Variants in FOXP4 observed in about 807,000 individuals in gnomAD.
FOXP4 encodes the protein forkhead box protein P4.
A neutral mutation model predicts 82.6 loss-of-function variants in FOXP4; 25 were observed. The observed-to-expected ratio is 0.30, with a 90% CI of 0.22 to 0.42. The LOEUF is 0.42. Among genes scored for constraint, FOXP4 ranks in the 10% least tolerant of loss-of-function variants. The probability of loss-of-function intolerance (pLI) is 1.00; values close to 1 mark genes in which losing one functional copy is unlikely to be tolerated. For missense variants in FOXP4, 785 were observed against 900.9 expected (o/e 0.87, Z 1.65); for synonymous variants, 415 against 388.2 (o/e 1.07, Z -0.81).
intron 13 of FOXP4, among the ~76,000 whole-genome samples, chr6:41,592,096 AGGGAAGGTTAGACGCG>A (rs1276876476): frequency 1.3e-5 from 2 of 152,100 alleles, no homozygotes; most frequent in Non-Finnish European, 1.5e-5. Flanking sequence ...TCGCCCCTGC[AGGGAAGGTTAGACGCG>A]GGGAAGGACT....
chr6:41,593,459 G>A lies in FOXP4; in HGVS notation c.1537-1411G>A, dbSNP rs1766633131. 6.6e-6 allele frequency among the ~76,000 whole-genome samples: 1 copy of A among 152,156 alleles called. No homozygotes were observed. Among genetic ancestry groups the A allele is most frequent in the East Asian group, 1.9e-4 (1 of 5,192 alleles). The stretch of plus-strand genomic sequence containing the variant: ...GTGGGCCCGTCCTTTTGTTTACGAA[G>A]CCCCTGCCAGACCCCTTAAATTGCC... On this transcript the variant is annotated intron_variant, in intron 13 of 16. Coordinates refer to ENST00000307972, the MANE Select transcript of FOXP4 (RefSeq NM_001012426.2). This position sits in a 1 kb window ranked among gnomAD's most constrained non-coding sequence, Gnocchi z 4.1.
At chr6:41,598,216 C>CT (rs571791132) in intron 16 of FOXP4, among the ~76,000 whole-genome samples, 2,207 of 131,862 alleles carry the variant, frequency 0.017, 68 homozygotes, top group African/African-American at 0.045. Context: ...CCTCTCTTCT[C>CT]TTTTTTTTTT....
At chr6:41,555,247 T>C (rs990232792) in intron 1 of FOXP4, among the ~76,000 whole-genome samples, 3 of 151,444 alleles carry the variant, frequency 2.0e-5, no homozygotes, top group African/African-American at 7.3e-5. Context: ...TGAGACCCTG[T>C]CTCAAAAAAA....
chr6:41,597,811 C>A lies in FOXP4; in HGVS notation c.1756C>A (p.Leu586Ile), dbSNP rs773538948. The change falls in exon 16 of 17, where the codon CTC becomes ATC. Residue 586 changes from leucine (L) to isoleucine (I), a missense_variant. Transcript: ENST00000307972. The stretch of plus-strand genomic sequence containing the variant: ...CCTGGCCGAGAGCAGCTTCCCCCTC[C>A]TCAACAGCCCTGGCATGCTGAACCC... The part of the protein sequence containing the change: ...AALAESSFPL[L>I]NSPGMLNPGS... 13 of 1,607,388 alleles carry A rather than the reference C, an allele frequency of 8.1e-6. No homozygotes were observed.
chr6:41,565,565 G>A (rs944703800), intron 1 of FOXP4, among the ~76,000 whole-genome samples, 180 bp from the exon 2 acceptor site: 1 of 152,160 alleles, frequency 6.6e-6, no homozygotes, highest in African/African-American at 2.4e-5. Context: ...CCCCTCACCT[G>A]GGGGGACATC....
intron 1 of FOXP4, among the ~76,000 whole-genome samples, chr6:41,555,299 C>G (rs928482730): frequency 6.6e-6 from 1 of 152,014 alleles, no homozygotes; most frequent in Non-Finnish European, 1.5e-5. Context: ...TGCCTTCTTT[C>G]TACCACAGAG....
chr6:41,568,589 C>T (rs1310298456), intron 2 of FOXP4, among the ~76,000 whole-genome samples: 2 of 152,186 alleles, frequency 1.3e-5, no homozygotes, highest in African/African-American at 2.4e-5. Context: ...CAACGCTGCC[C>T]GCTGGCCCTA....
chr6:41,558,450 C>T lies in FOXP4; in HGVS notation c.-16-7295C>T, dbSNP rs910122053. 8.5e-5 allele frequency among the ~76,000 whole-genome samples: 13 copies of T among 152,214 alleles called. No homozygotes were observed. Among genetic ancestry groups the T allele is most frequent in the Non-Finnish European group, 1.5e-4 (10 of 68,048 alleles). ...TTCTGGACTCCTGTAATTATAGTCA[C>T]TACCCTTCTCTAAACATCTTCCTCA... On this transcript the variant is annotated intron_variant, in intron 1 of 16. Coordinates refer to ENST00000307972, the MANE Select transcript of FOXP4 (RefSeq NM_001012426.2). This position sits in a 1 kb window ranked among gnomAD's most constrained non-coding sequence, Gnocchi z 4.0.
intron 1 of FOXP4, among the ~76,000 whole-genome samples, chr6:41,552,592 G>A (rs574638748): frequency 4.9e-4 from 74 of 152,282 alleles, no homozygotes; most frequent in Non-Finnish European, 7.8e-4. Flanking sequence ...TTAACTGAGC[G>A]CATCAGTTCC....
intron 2 of FOXP4, among the ~76,000 whole-genome samples, chr6:41,566,693 G>A (rs1764899968): frequency 6.6e-6 from 1 of 152,206 alleles, no homozygotes; most frequent in African/African-American, 2.4e-5. Flanking sequence ...GGAGAGTCAT[G>A]CTCAACAAGT....
chr6:41,591,488 G>A lies in FOXP4; in HGVS notation c.1536+166G>A, dbSNP rs566063372. ...GCATGCCCACGCCCACCTCAGCAGG[G>A]GCTGTGGATTGTTCCATAACCTTTT... On this transcript the variant is annotated intron_variant, in intron 13 of 16. Transcript: ENST00000307972. This position sits in a 1 kb window ranked among gnomAD's most constrained non-coding sequence, Gnocchi z 4.2. Among the ~76,000 whole-genome samples the A allele has an allele frequency of 2.5e-4, 38 of 152,294 alleles. No homozygotes were observed. Among genetic ancestry groups the A allele is most frequent in the African/African-American group, 9.1e-4 (38 of 41,556 alleles).
At chr6:41,567,389 G>A (rs1384948782) in intron 2 of FOXP4, among the ~76,000 whole-genome samples, 1 of 152,212 alleles carries the variant, frequency 6.6e-6, no homozygotes, top group African/African-American at 2.4e-5. Context: ...TATTCTTCAG[G>A]AGTTTGCTGG....
intron 5 of FOXP4, among the ~76,000 whole-genome samples, 186 bp downstream of exon 5, chr6:41,585,703 C>T (rs1459897119): frequency 6.6e-6 from 1 of 152,110 alleles, no homozygotes; most frequent in African/African-American, 2.4e-5. Flanking sequence ...CATCTCCCCT[C>T]ATCCCCATTC....
At chr6:41,585,561 C>G (rs1265094943) in intron 5 of FOXP4, 44 bp downstream of exon 5, 1 of 1,574,520 alleles carries the variant, frequency 6.4e-7, no homozygotes, top group Middle Eastern at 1.7e-4. Context: ...CACCCCCTGC[C>G]CAGAGCTGGG....
chr6:41,553,060 A>G (rs754185025), intron 1 of FOXP4, among the ~76,000 whole-genome samples: 3 of 152,174 alleles, frequency 2.0e-5, no homozygotes, highest in Non-Finnish European at 1.5e-5. Context: ...GAAGGTCTCA[A>G]CGTACACCCT....
At chr6:41,555,558 G>A (rs113563739) in intron 1 of FOXP4, among the ~76,000 whole-genome samples, 1 of 152,176 alleles carries the variant, frequency 6.6e-6, no homozygotes, top group South Asian at 2.1e-4. Context: ...AGGAAACCCT[G>A]GTGCCAAAGG....
At chr6:41,592,109 C>G (rs889047100) in intron 13 of FOXP4, among the ~76,000 whole-genome samples, 21 of 152,030 alleles carry the variant, frequency 1.4e-4, no homozygotes, top group African/African-American at 4.6e-4. Context: ...GAAGGTTAGA[C>G]GCGGGGAAGG....
chr6:41,587,561 GACCTGGCCCCCC>G (rs1402128710), intron 7 of FOXP4, 49 bp downstream of exon 7: 1 of 1,437,746 alleles, frequency 7.0e-7, no homozygotes, highest in East Asian at 2.3e-5. Context: ...CCTGGGGGTA[GACCTGGCCCCCC>G]ACCCATGAGG....
intron 1 of FOXP4, among the ~76,000 whole-genome samples, chr6:41,559,160 C>T (rs572840294): frequency 1.8e-4 from 28 of 152,338 alleles, no homozygotes; most frequent in African/African-American, 6.0e-4. Context: ...TGCCCCTCTC[C>T]ACTTACCTTA....
Sources: allele counts gnomAD v4.1 joint callset (sites outside exome capture counted in the v4.1 genomes callset), GRCh38; gene constraint gnomAD v4.1.1; non-coding constraint Gnocchi (gnomAD v3.1); transcripts MANE v1.5; gene names NCBI Gene and HGNC (gene_info 2026-07-23, HGNC 2026-07-21).